Variants in SLC30A10 observed in about 807,000 individuals in gnomAD.
The protein encoded by SLC30A10 is solute carrier family 30 member 10.
Under a neutral mutation model 21.7 loss-of-function variants are expected in SLC30A10, and 8 were observed. The observed-to-expected ratio is 0.37, with a 90% confidence interval of 0.22 to 0.67. The LOEUF (loss-of-function observed/expected upper bound fraction) is 0.67, where lower values mean the gene tolerates loss of function less well. Ranked by LOEUF, SLC30A10 falls within the 30% of genes least tolerant of loss-of-function variation. The probability of loss-of-function intolerance (pLI) is 0.58; values close to 1 mark genes in which losing one functional copy is unlikely to be tolerated. For missense variants in SLC30A10, 521 were observed against 642.5 expected, an observed-to-expected ratio of 0.81 and a Z score of 2.04; for synonymous variants, 272 against 279.4, an observed-to-expected ratio of 0.97 and a Z score of 0.26.
intron 2 of SLC30A10, among the ~76,000 whole-genome samples, chr1:219,925,245 G>T (rs1183930024): frequency 6.6e-6 from 1 of 152,092 alleles, no homozygotes; most frequent in East Asian, 1.9e-4. Context: ...TAAGAATGAG[G>T]ATAGTTGGCC....
At chr1:219,929,298 C>T (rs1432395721), upstream of SLC30A10, among the ~76,000 whole-genome samples, 1 of 152,172 alleles carries the variant, frequency 6.6e-6, no homozygotes, top group Non-Finnish European at 1.5e-5. Flanking sequence ...AGAGCAGACC[C>T]CACTTCTGTA....
At position 219,927,836 on chromosome 1, in the gene SLC30A10, C is replaced by A; in HGVS notation, c.605G>T (p.Arg202Leu). 1 of 1,548,498 alleles carries A rather than the reference C, an allele frequency of 6.5e-7. No homozygotes were observed. The highest frequency in any genetic ancestry group is 1.4e-5 in the African/African-American group (1 of 71,132). Residue 202 changes from arginine (R) to leucine (L), a missense_variant, in exon 1 of 4, where the codon CGG (arginine) becomes CTG (leucine). Transcript: ENST00000366926. ...TGCGAACACGGTCGCCCCCTTCTCC[C>A]GCTTCCTTTCCACCGAGGTCCCCCG... ...TLRGTSVERKREKGATVFANV... is the reference protein window; with the variant it reads ...TLRGTSVERKLEKGATVFANV...
chr1:219,937,224 C>A (rs1221256812), intron 1 of SLC30A10, among the ~76,000 whole-genome samples: 1 of 152,248 alleles, frequency 6.6e-6, no homozygotes, highest in Admixed American at 6.5e-5. Context: ...CTGAGTACAG[C>A]CTGATATTTG....
intron 1 of SLC30A10, 23 bp from the exon 2 acceptor site, chr1:219,927,128 G>A (rs749711473): frequency 1.3e-5 from 21 of 1,612,614 alleles, no homozygotes; most frequent in Non-Finnish European, 1.8e-5. Flanking sequence ...AAGAAACCTT[G>A]TGTTGTGTAT....
chr1:219,953,396 AC>A (rs1660297592), intron 1 of SLC30A10, among the ~76,000 whole-genome samples: 1 of 152,024 alleles, frequency 6.6e-6, no homozygotes, highest in Non-Finnish European at 1.5e-5. Context: ...GGAGATCGAG[AC>A]CATCCTGGCT....
chr1:219,955,214 T>C (rs956831353), intron 1 of SLC30A10, among the ~76,000 whole-genome samples: 1 of 152,192 alleles, frequency 6.6e-6, no homozygotes, highest in Admixed American at 6.5e-5. Context: ...CCGAAACACA[T>C]GCACACACAA....
intron 1 of SLC30A10, among the ~76,000 whole-genome samples, chr1:219,945,078 C>A (rs919945650): frequency 1.3e-5 from 2 of 152,102 alleles, no homozygotes; most frequent in Admixed American, 1.3e-4. Flanking sequence ...TTTCAAAGGT[C>A]ACATATGTAT....
At chr1:219,930,787 T>C (rs1659959805), upstream of SLC30A10, among the ~76,000 whole-genome samples, 1 of 152,216 alleles carries the variant, frequency 6.6e-6, no homozygotes, top group African/African-American at 2.4e-5. Flanking sequence ...TATTTTTCAC[T>C]AGTGTAAAAT....
At chr1:219,926,301 G>C (rs944654180) in intron 2 of SLC30A10, among the ~76,000 whole-genome samples, 17 of 152,144 alleles carry the variant, frequency 1.1e-4, no homozygotes, top group African/African-American at 4.1e-4. Context: ...GAAAGTAGAG[G>C]GTTGCTTAAT....
chr1:219,938,205 G>A (rs1230403219), intron 1 of SLC30A10, among the ~76,000 whole-genome samples: 1 of 152,166 alleles, frequency 6.6e-6, no homozygotes, highest in Non-Finnish European at 1.5e-5. Context: ...AACAAAATAT[G>A]CTTCTTCCCA....
At chr1:219,939,677 C>T (rs939743215) in intron 1 of SLC30A10, among the ~76,000 whole-genome samples, 1 of 152,206 alleles carries the variant, frequency 6.6e-6, no homozygotes, top group Admixed American at 6.5e-5. Context: ...ATCCACCCAC[C>T]TCGGCCAGCC....
intron 2 of SLC30A10, among the ~76,000 whole-genome samples, chr1:219,922,188 T>TTTG (rs1558252135): frequency 1.5e-4 from 2 of 13,374 alleles, no homozygotes; most frequent in Non-Finnish European, 2.8e-4. Flanking sequence ...TTTTTTTTTT[T>TTTG]TTTTTTTTTT....
chr1:219,924,675 C>G (rs529539809), intron 2 of SLC30A10, among the ~76,000 whole-genome samples: 1 of 152,296 alleles, frequency 6.6e-6, no homozygotes, highest in Non-Finnish European at 1.5e-5. Flanking sequence ...ACTAATTAAA[C>G]GATAATTGTA....
Position 219,915,335 on chromosome 1 carries a change from A to C in SLC30A10, c.*114T>G. On this transcript the variant is annotated 3_prime_UTR_variant, in exon 4 of 4. Coordinates refer to ENST00000366926, the MANE Select transcript of SLC30A10 (RefSeq NM_018713.3). ...AACAGCCAACCCCTAGTGAACACAG[A>C]GCATGCATGCTGCAAGTCTAGTCTG... 7.5e-7 allele frequency: 1 copy of C among 1,324,768 alleles called. No individual in the cohort carries two copies. The highest frequency in any genetic ancestry group is 1.4e-5 in the South Asian group (1 of 70,814). 82.1% of individuals were successfully genotyped at this position (1,324,768 alleles called of 1,614,324 possible).
At chr1:219,919,779 A>T (rs1379556891) in intron 2 of SLC30A10, among the ~76,000 whole-genome samples, 1 of 148,652 alleles carries the variant, frequency 6.7e-6, no homozygotes, top group African/African-American at 2.5e-5. Context: ...TCTGTCTCAA[A>T]AAAAAAAAAA....
chr1:219,932,743 G>T (rs1659987445), upstream of SLC30A10, among the ~76,000 whole-genome samples: 1 of 133,114 alleles, frequency 7.5e-6, no homozygotes, highest in Non-Finnish European at 1.6e-5. Flanking sequence ...AGTGATGGAG[G>T]CATGAGATGT....
At position 219,914,576 on chromosome 1, in the gene SLC30A10, T is replaced by C. The variant is rs1330333699; in HGVS notation, c.*873A>G. The C allele has an allele frequency of 1.3e-5, 2 of 152,194 alleles. No individual in the cohort carries two copies. Among genetic ancestry groups the C allele is most frequent in the Non-Finnish European group, 2.9e-5 (2 of 68,028 alleles). The allele number at this position is 152,194 out of a possible 1,614,324, so 9.4% of individuals were successfully genotyped here. ...TTCTGGTAAATGCTGCATAGATCAA[T>C]GCAATCATATGAAAGAAAATTCAAA... On this transcript the variant is annotated 3_prime_UTR_variant, in exon 4 of 4. Transcript: ENST00000366926.
At chr1:219,922,845 T>A (rs933884097) in intron 2 of SLC30A10, among the ~76,000 whole-genome samples, 2 of 151,810 alleles carry the variant, frequency 1.3e-5, no homozygotes, top group Non-Finnish European at 2.9e-5. Context: ...GGTCCTATTA[T>A]CTCCATTATA....
chr1:219,947,069 C>T (rs972124662), intron 1 of SLC30A10, among the ~76,000 whole-genome samples: 1 of 152,138 alleles, frequency 6.6e-6, no homozygotes, highest in East Asian at 1.9e-4. Flanking sequence ...TCCATTCAGC[C>T]AGTTGCCCCT....
Sources: gnomAD v4.1 joint callset for allele counts (sites outside exome capture counted in the v4.1 genomes callset) on GRCh38, gnomAD v4.1.1 for gene constraint, MANE v1.5 for transcripts, NCBI Gene and HGNC (gene_info 2026-07-23, HGNC 2026-07-21) for gene names.